The following SERGEF variants were observed in gnomAD, a reference collection of about 807,000 sequenced individuals.
SERGEF encodes the protein secretion-regulating guanine nucleotide exchange factor.
A neutral mutation model predicts 50.0 loss-of-function variants in SERGEF; 51 were observed. The ratio of observed to expected loss-of-function variants is 1.02; its 90% CI spans 0.81 to 1.29. The LOEUF (loss-of-function observed/expected upper bound fraction) is 1.29. Ranked by LOEUF, SERGEF falls within the 50% of genes most tolerant of loss-of-function variation. SERGEF has a pLI of 0.00. For missense variants in SERGEF, 521 were observed against 557.0 expected, an observed-to-expected ratio of 0.94 and a Z score of 0.65; for synonymous variants, 205 against 212.4, an observed-to-expected ratio of 0.97 and a Z score of 0.30.
intron 10 of SERGEF, chr11:17,874,137 G>A: frequency 6.6e-6 from 1 of 152,482 alleles, no homozygotes; most frequent in Non-Finnish European, 1.5e-5. Context: ...GAAAGGAAGA[G>A]AGTGAATCAG....
At chr11:17,918,621 A>ACACACAC (rs1565204522) in intron 9 of SERGEF, 1 of 182,374 alleles carries the variant, frequency 5.5e-6, no homozygotes, top group East Asian at 2.7e-4. Flanking sequence ...ATAAAGCAGG[A>ACACACAC]ACAGACACAC....
At chr11:17,935,987 G>A (rs989994990) in intron 9 of SERGEF, among the ~76,000 whole-genome samples, 4 of 152,094 alleles carry the variant, frequency 2.6e-5, no homozygotes, top group African/African-American at 9.7e-5. Context: ...GTGCATATGT[G>A]CATTTGTGCT....
intron 10 of SERGEF, among the ~76,000 whole-genome samples, chr11:17,860,294 C>T (rs1850903512): frequency 6.6e-6 from 1 of 152,036 alleles, no homozygotes; most frequent in Admixed American, 6.6e-5. Context: ...AGCATAGGAA[C>T]CATATCATGA....
chr11:17,827,058 C>T (rs1393737653), intron 10 of SERGEF, among the ~76,000 whole-genome samples: 1 of 152,126 alleles, frequency 6.6e-6, no homozygotes, highest in African/African-American at 2.4e-5. Flanking sequence ...TTTAAAATGC[C>T]GAAAATTTAT....
At chr11:17,797,920 C>T (rs1482944005) in intron 10 of SERGEF, among the ~76,000 whole-genome samples, 1 of 152,148 alleles carries the variant, frequency 6.6e-6, no homozygotes, top group African/African-American at 2.4e-5. Context: ...TCCTGAGCCC[C>T]CAGGACAGTC....
intron 9 of SERGEF, among the ~76,000 whole-genome samples, chr11:17,934,198 C>G (rs1024317585): frequency 6.6e-6 from 1 of 152,034 alleles, no homozygotes; most frequent in African/African-American, 2.4e-5. Flanking sequence ...GGTCTAGGGA[C>G]AATTTACTCT....
At chr11:17,897,671 T>C (rs1410021319) in intron 9 of SERGEF, among the ~76,000 whole-genome samples, 1 of 152,190 alleles carries the variant, frequency 6.6e-6, no homozygotes, top group African/African-American at 2.4e-5. Flanking sequence ...TATGAAACTC[T>C]AGGAAAGTCA....
At chr11:17,851,829 G>C (rs1391498284) in intron 10 of SERGEF, among the ~76,000 whole-genome samples, 1 of 152,206 alleles carries the variant, frequency 6.6e-6, no homozygotes, top group Admixed American at 6.5e-5. Flanking sequence ...AATGGCAGGA[G>C]TACGTGCCTT....
chr11:17,878,440 AT>A (rs1307305474), intron 9 of SERGEF, among the ~76,000 whole-genome samples, 196 bp from the exon 10 acceptor site: 6 of 152,206 alleles, frequency 3.9e-5, no homozygotes, highest in Admixed American at 2.0e-4. Context: ...AATAAAAAAA[AT>A]ATTGAATGGA....
chr11:17,871,213 C>T (rs961277462), intron 10 of SERGEF, among the ~76,000 whole-genome samples: 9 of 152,088 alleles, frequency 5.9e-5, no homozygotes, highest in South Asian at 2.1e-4. Flanking sequence ...TCAAAAGACA[C>T]GATTAAGAGA....
intron 5 of SERGEF, among the ~76,000 whole-genome samples, chr11:17,996,606 C>T (rs1488925025): frequency 6.6e-6 from 1 of 152,178 alleles, no homozygotes; most frequent in East Asian, 1.9e-4. Flanking sequence ...TTGATCTACA[C>T]TCAGGTGTGT....
intron 9 of SERGEF, among the ~76,000 whole-genome samples, chr11:17,931,120 G>T (rs1216026205): frequency 6.6e-6 from 1 of 151,928 alleles, no homozygotes; most frequent in Non-Finnish European, 1.5e-5. Flanking sequence ...TTTGTCACTT[G>T]CTTCTGTATT....
chr11:17,834,762 C>T (rs1414491308), intron 10 of SERGEF, among the ~76,000 whole-genome samples: 1 of 152,142 alleles, frequency 6.6e-6, no homozygotes, highest in Non-Finnish European at 1.5e-5. Flanking sequence ...CTATTCCTAC[C>T]TTTTTGAGGT....
intron 9 of SERGEF, among the ~76,000 whole-genome samples, chr11:17,934,299 A>G (rs541350238): frequency 6.6e-6 from 1 of 152,280 alleles, no homozygotes; most frequent in East Asian, 1.9e-4. Context: ...ATCGCTCTCA[A>G]TTATTAATGG....
chr11:17,940,269 T>C (rs1188622062), intron 9 of SERGEF, among the ~76,000 whole-genome samples: 3 of 152,128 alleles, frequency 2.0e-5, no homozygotes. Context: ...AAGACATCAA[T>C]ATCCCAGGAT....
At chr11:18,011,369 C>T (rs778174276) in intron 1 of SERGEF, among the ~76,000 whole-genome samples, 6 of 152,254 alleles carry the variant, frequency 3.9e-5, no homozygotes, top group Non-Finnish European at 5.9e-5. Flanking sequence ...CGGATGCTCA[C>T]GCACACAGAA....
intron 9 of SERGEF, among the ~76,000 whole-genome samples, chr11:17,955,187 A>G (rs1852841061): frequency 6.6e-6 from 1 of 152,236 alleles, no homozygotes; most frequent in Admixed American, 6.5e-5. Context: ...CCCAATTCAA[A>G]TAACATTTCT....
intron 6 of SERGEF, among the ~76,000 whole-genome samples, chr11:17,994,898 T>C (rs902111347): frequency 2.0e-5 from 3 of 151,952 alleles, no homozygotes; most frequent in African/African-American, 7.3e-5. Context: ...CTTCCCACCA[T>C]CCTCAAAAAT....
intron 9 of SERGEF, among the ~76,000 whole-genome samples, chr11:17,918,114 G>A (rs1168502493): frequency 6.6e-6 from 1 of 152,152 alleles, no homozygotes; most frequent in Non-Finnish European, 1.5e-5. Flanking sequence ...TGGTACAGCT[G>A]ATCATCTCTG....
Sources: allele counts gnomAD v4.1 joint callset (sites outside exome capture counted in the v4.1 genomes callset), GRCh38; gene constraint gnomAD v4.1.1; transcripts MANE v1.5; gene names NCBI Gene and HGNC (gene_info 2026-07-23, HGNC 2026-07-21).